RASSF8: variants seen among roughly 807,000 people sequenced by gnomAD.
RASSF8 encodes the protein Ras association domain family member 8.
RASSF8 carries 22 observed loss-of-function variants against 48.5 expected under a neutral mutation model. The observed-to-expected ratio is 0.45, with a 90% CI of 0.32 to 0.65. The LOEUF (loss-of-function observed/expected upper bound fraction) is 0.65. RASSF8 is among the 30% of genes least tolerant of loss of function. The pLI, the probability that RASSF8 is intolerant of heterozygous loss-of-function variation, is 0.03. For missense variants in RASSF8, 418 were observed against 489.2 expected, an observed-to-expected ratio of 0.85 and a Z score of 1.37; for synonymous variants, 127 against 171.5, an observed-to-expected ratio of 0.74 and a Z score of 2.03.
chr12:26,015,990 G>C (rs573275955), intron 2 of RASSF8, among the ~76,000 whole-genome samples: 1 of 152,118 alleles, frequency 6.6e-6, no homozygotes, highest in South Asian at 2.1e-4. Flanking sequence ...TTTATAATTT[G>C]TTACCAAATC....
chr12:26,007,114 C>T (rs920604103), intron 2 of RASSF8, among the ~76,000 whole-genome samples: 3 of 151,876 alleles, frequency 2.0e-5, no homozygotes, highest in Admixed American at 2.0e-4. Flanking sequence ...GGAGGAGGTG[C>T]CAGGCTCTTT....
intron 2 of RASSF8, among the ~76,000 whole-genome samples, chr12:26,051,083 A>G (rs1048281446): frequency 1.3e-5 from 2 of 152,182 alleles, no homozygotes; most frequent in East Asian, 3.9e-4. Flanking sequence ...GCCAAATTTC[A>G]AATATGTGTC....
intron 2 of RASSF8, among the ~76,000 whole-genome samples, chr12:26,009,318 A>C (rs181988713): frequency 2.0e-5 from 3 of 152,334 alleles, no homozygotes; most frequent in African/African-American, 7.2e-5. Context: ...AGGAGCACAG[A>C]CCTTATTTCT....
chr12:26,025,714 T>A (rs1942897271), intron 2 of RASSF8, among the ~76,000 whole-genome samples: 1 of 152,156 alleles, frequency 6.6e-6, no homozygotes, highest in Non-Finnish European at 1.5e-5. Context: ...AAGATCAGTA[T>A]GCAAAATTTA....
intron 2 of RASSF8, among the ~76,000 whole-genome samples, chr12:26,018,378 CATTAT>C (rs1276646384): frequency 5.3e-5 from 8 of 151,882 alleles, no homozygotes; most frequent in African/African-American, 1.9e-4. Context: ...AAATTCTTTA[CATTAT>C]ATAACTAGAC....
chr12:26,065,807 C>A (rs914009757), intron 4 of RASSF8, among the ~76,000 whole-genome samples: 1 of 152,210 alleles, frequency 6.6e-6, no homozygotes, highest in Non-Finnish European at 1.5e-5. Flanking sequence ...GACACATAAA[C>A]AGCCCCCGTC....
At position 26,068,876 on chromosome 12, in the gene RASSF8, T is replaced by C. The variant is rs936290294; in HGVS notation, c.*58T>C. 1 of 1,522,990 alleles carries C rather than the reference T, an allele frequency of 6.6e-7. No individual in the cohort carries two copies. Among genetic ancestry groups the C allele is most frequent in the Non-Finnish European group, 8.8e-7 (1 of 1,139,946 alleles). The allele number at this position is 1,522,990 out of a possible 1,614,324, so 94.3% of individuals were successfully genotyped here. A position where few individuals can be genotyped will look rare whatever the true frequency, so the allele number is the denominator to read the frequency against. The stretch of plus-strand genomic sequence containing the variant: ...AGGTACCAAGGACAGTAAACTTCCT[T>C]TTTGATTTGTGCCAATGATGAACAG... On this transcript the variant is annotated 3_prime_UTR_variant, in exon 6 of 6. Transcript: ENST00000689635.
chr12:26,076,455 C>T (rs956196094), downstream of RASSF8, among the ~76,000 whole-genome samples: 3 of 152,106 alleles, frequency 2.0e-5, no homozygotes, highest in Admixed American at 1.3e-4. Context: ...GTGATGTTCC[C>T]CACCCTGTGT....
chr12:26,000,717 G>T (rs2643934), intron 2 of RASSF8, among the ~76,000 whole-genome samples: 107,805 of 151,966 alleles, frequency 0.71, 38,335 homozygotes, highest in South Asian at 0.77. Context: ...TACTGAATAC[G>T]GTAGGCAATT....
Position 26,069,747 on chromosome 12 carries a change from A to G in RASSF8, c.*929A>G. ...AACATTGCTTTAAGTGATGTATTTT[A>G]AAATAACCCGCTTCATATGTATGAT... On this transcript the variant is annotated 3_prime_UTR_variant, in exon 6 of 6. Transcript: ENST00000689635. The G allele has an allele frequency of 5.1e-6, 5 of 985,296 alleles. No individual in the cohort carries two copies. The highest frequency in any genetic ancestry group is 6.0e-6 in the Non-Finnish European group (5 of 829,840). The allele number at this position is 985,296 out of a possible 1,614,324, so 61.0% of individuals were successfully genotyped here.
chr12:25,966,597 G>C (rs1941366776), intron 1 of RASSF8, among the ~76,000 whole-genome samples: 1 of 152,060 alleles, frequency 6.6e-6, no homozygotes, highest in Non-Finnish European at 1.5e-5. Context: ...TATCTTCTTT[G>C]GTGAAGTGTC....
intron 1 of RASSF8, among the ~76,000 whole-genome samples, chr12:25,986,328 G>A (rs891472344): frequency 6.6e-6 from 1 of 152,158 alleles, no homozygotes; most frequent in Non-Finnish European, 1.5e-5. Flanking sequence ...AACTTGCTCT[G>A]CAGATGAGGA....
chr12:26,024,930 G>C (rs1053825389), intron 2 of RASSF8, among the ~76,000 whole-genome samples: 4 of 152,068 alleles, frequency 2.6e-5, no homozygotes, highest in South Asian at 2.1e-4. Flanking sequence ...GCACTCCAAA[G>C]CCTGGGCAAC....
chr12:25,983,035 A>G (rs897229808), intron 1 of RASSF8, among the ~76,000 whole-genome samples: 20 of 152,286 alleles, frequency 1.3e-4, no homozygotes, highest in African/African-American at 4.8e-4. Flanking sequence ...GAAGAGTTTA[A>G]AAAGTTTTAA....
At chr12:26,046,891 A>G (rs1314518854) in intron 2 of RASSF8, among the ~76,000 whole-genome samples, 1 of 152,210 alleles carries the variant, frequency 6.6e-6, no homozygotes, top group African/African-American at 2.4e-5. Flanking sequence ...TTGTTTTTCC[A>G]TAGGAGTGTA....
intron 1 of RASSF8, among the ~76,000 whole-genome samples, chr12:25,963,101 A>T (rs894144090): frequency 2.0e-5 from 3 of 152,306 alleles, no homozygotes; most frequent in African/African-American, 7.2e-5. Flanking sequence ...GTGGTGCCAG[A>T]CATCAAAGGA....
rs1031019609 is a variant in RASSF8 at position 26,069,884 on chromosome 12, G to C, written c.*1066G>C. The C allele has an allele frequency of 9.1e-6, 9 of 983,626 alleles. No homozygotes were observed. Among genetic ancestry groups the C allele is most frequent in the Non-Finnish European group, 1.1e-5 (9 of 828,326 alleles). 60.9% of individuals were successfully genotyped at this position (983,626 alleles called of 1,614,324 possible). ...TTAGATGGAAAGGAGGTTAAACCTA[G>C]GTACTTTTTAGCAAGGATATAAAGT... On this transcript the variant is annotated 3_prime_UTR_variant, in exon 6 of 6. Coordinates refer to ENST00000689635, the MANE Select transcript of RASSF8 (RefSeq NM_001394098.1).
chr12:25,959,356 C>G (rs3741545), intron 1 of RASSF8: 8,313 of 152,416 alleles, frequency 0.055, 351 homozygotes, highest in African/African-American at 0.11. Flanking sequence ...TTGCGCCTCT[C>G]CTCGCGGCAC....
chr12:25,990,466 A>G (rs1012745046), intron 1 of RASSF8, among the ~76,000 whole-genome samples: 4 of 152,190 alleles, frequency 2.6e-5, no homozygotes, highest in African/African-American at 9.6e-5. Context: ...TTATTATATA[A>G]ATAATTAATT....
Sources: gnomAD v4.1 joint callset for allele counts (sites outside exome capture counted in the v4.1 genomes callset) on GRCh38, gnomAD v4.1.1 for gene constraint, MANE v1.5 for transcripts, NCBI Gene and HGNC (gene_info 2026-07-23, HGNC 2026-07-21) for gene names.